DHX35: variants seen among roughly 807,000 people sequenced by gnomAD.
DHX35 encodes probable ATP-dependent RNA helicase DHX35.
In DHX35, 84 loss-of-function variants were observed where a neutral mutation model predicts 99.6. The ratio of observed to expected loss-of-function variants is 0.84; its 90% CI spans 0.71 to 1.01. DHX35 has a LOEUF of 1.01. Among genes scored for constraint, DHX35 ranks in the 50% least tolerant of loss-of-function variants. DHX35 has a pLI of 0.00. For missense variants in DHX35, 852 were observed against 888.5 expected, an observed-to-expected ratio of 0.96 and a Z score of 0.52; for synonymous variants, 331 against 316.2, an observed-to-expected ratio of 1.05 and a Z score of -0.50.
chr20:39,032,928 G>A (rs2087081031), intron 20 of DHX35, among the ~76,000 whole-genome samples: 1 of 152,186 alleles, frequency 6.6e-6, no homozygotes, highest in Admixed American at 6.5e-5. Context: ...CCACACTAAT[G>A]TGGTCAGGAT....
chr20:39,002,589 A>G (rs528933474), intron 9 of DHX35, among the ~76,000 whole-genome samples, 183 bp from the exon 10 acceptor site: 1 of 152,364 alleles, frequency 6.6e-6, no homozygotes, highest in East Asian at 1.9e-4. Flanking sequence ...ACATATAATT[A>G]TGGATTATTC....
intron 3 of DHX35, among the ~76,000 whole-genome samples, chr20:38,975,006 T>A (rs954226456): frequency 6.6e-6 from 1 of 152,226 alleles, no homozygotes; most frequent in African/African-American, 2.4e-5. Context: ...TAAAAATCCC[T>A]TTGCATATTT....
chr20:39,022,265 A>G (rs1416007587), intron 16 of DHX35, among the ~76,000 whole-genome samples: 1 of 152,062 alleles, frequency 6.6e-6, no homozygotes, highest in African/African-American at 2.4e-5. Flanking sequence ...CCCAGGTTCA[A>G]GTGATGCTCC....
intron 5 of DHX35, among the ~76,000 whole-genome samples, chr20:38,991,160 A>G (rs1264777031): frequency 2.0e-5 from 3 of 152,172 alleles, no homozygotes; most frequent in Non-Finnish European, 4.4e-5. Flanking sequence ...CTCTTTATCG[A>G]TAGTACTGGT....
At chr20:39,016,181 C>CAAGAGAGGAAGCCAGGAAGAGA (rs1353298663) in intron 14 of DHX35, among the ~76,000 whole-genome samples, 1 of 152,112 alleles carries the variant, frequency 6.6e-6, no homozygotes, top group Admixed American at 6.6e-5. Flanking sequence ...GATCACATGG[C>CAAGAGAGGAAGCCAGGAAGAGA]AAGAGAGGAA....
rs749056584 is a variant in DHX35, at chr20:39,023,783, G to A, written c.1671+16G>A. 1.2e-6 allele frequency: 2 copies of A among 1,608,838 alleles called. No homozygotes were observed. The highest frequency in any genetic ancestry group is 2.7e-5 in the African/African-American group (2 of 74,820). On this transcript the variant is annotated intron_variant, in intron 17 of 21. Transcript: ENST00000252011. ...ATTTATCAAAGTAAGCACAACTACT[G>A]CTCGAAGTGCCGCCTCAACACACCA... is the stretch of plus-strand genomic sequence containing the variant.
intron 14 of DHX35, among the ~76,000 whole-genome samples, chr20:39,015,832 G>A (rs563826012): frequency 5.5e-4 from 84 of 152,076 alleles, no homozygotes; most frequent in Non-Finnish European, 9.9e-4. Context: ...ACCCATTAGC[G>A]CCGAACTTCT....
chr20:39,038,246 C>T (rs1043199340), intron 21 of DHX35, among the ~76,000 whole-genome samples: 1 of 152,220 alleles, frequency 6.6e-6, no homozygotes, highest in African/African-American at 2.4e-5. Context: ...TGACAGCTTC[C>T]GCAGAGCCCT....
At chr20:39,003,718 G>A in intron 10 of DHX35, 31 bp from the exon 11 acceptor site, 1 of 1,590,776 alleles carries the variant, frequency 6.3e-7, no homozygotes, top group Non-Finnish European at 8.6e-7. Flanking sequence ...ATTGATCTCG[G>A]TTTCTTTGGT....
chr20:39,020,656 C>CTTTTTTTTTTTTTTTT lies in DHX35; in HGVS notation c.1499-1180_1499-1165dup, dbSNP rs57246257. Among the ~76,000 whole-genome samples, 18 of 105,222 alleles carry CTTTTTTTTTTTTTTTT rather than the reference C, an allele frequency of 1.7e-4. 2 individuals are homozygous for CTTTTTTTTTTTTTTTT. Among genetic ancestry groups the CTTTTTTTTTTTTTTTT allele is most frequent in the East Asian group, 3.1e-4 (1 of 3,242 alleles). 69.0% of individuals were successfully genotyped at this position (105,222 alleles called of 152,430 possible). A position where few individuals can be genotyped will look rare whatever the true frequency, so the allele number is the denominator to read the frequency against. On this transcript the variant is annotated intron_variant, in intron 15 of 21. Transcript: ENST00000252011. ...CAGCCTTCCATTTAGAAACAGGATTCTTTTTTTTTTTTTTTTTTTTGAGAC... is the reference window on the plus strand; with the variant it reads ...CAGCCTTCCATTTAGAAACAGGATTCTTTTTTTTTTTTTTTTTTTTTTTTTTTTTTTTTTTTGAGAC...
chr20:39,009,069 C>G (rs1047270115), intron 12 of DHX35, among the ~76,000 whole-genome samples: 4 of 152,232 alleles, frequency 2.6e-5, no homozygotes, highest in East Asian at 3.8e-4. Context: ...ATGCTTCACA[C>G]ACTTGAGTCC....
At chr20:39,004,354 C>T (rs1002912041) in intron 11 of DHX35, among the ~76,000 whole-genome samples, 28 of 152,190 alleles carry the variant, frequency 1.8e-4, no homozygotes, top group African/African-American at 2.7e-4. Context: ...CGTCAGCCAC[C>T]GTGCCCGGCC....
intron 8 of DHX35, among the ~76,000 whole-genome samples, chr20:38,996,537 A>G (rs893657951): frequency 6.6e-6 from 1 of 152,222 alleles, no homozygotes; most frequent in African/African-American, 2.4e-5. Flanking sequence ...TTTGAGCTCT[A>G]TAAAGATCAT....
At chr20:38,988,216 T>C (rs2086278971) in intron 4 of DHX35, among the ~76,000 whole-genome samples, 1 of 152,254 alleles carries the variant, frequency 6.6e-6, no homozygotes, top group African/African-American at 2.4e-5. Flanking sequence ...TTTGATCTTT[T>C]GAAATTTTTT....
intron 14 of DHX35, 115 bp from the exon 15 acceptor site, chr20:39,018,689 T>C: frequency 1.9e-6 from 2 of 1,026,284 alleles, no homozygotes. Context: ...GCATGAATCA[T>C]CTTTTGGATA....
At chr20:38,987,287 T>A (rs772212942) in intron 4 of DHX35, among the ~76,000 whole-genome samples, 6 of 152,206 alleles carry the variant, frequency 3.9e-5, no homozygotes, top group Non-Finnish European at 7.4e-5. Context: ...TCACCGAGGC[T>A]GGAGTGTAGT....
intron 15 of DHX35, among the ~76,000 whole-genome samples, chr20:39,019,645 A>G (rs2086840991): frequency 6.6e-6 from 1 of 152,210 alleles, no homozygotes. Context: ...CTATGTACAC[A>G]TTGTAGATTC....
chr20:39,028,064 T>G (rs1035777259), intron 18 of DHX35, among the ~76,000 whole-genome samples: 1 of 152,242 alleles, frequency 6.6e-6, no homozygotes, highest in Non-Finnish European at 1.5e-5. Context: ...TATGACACTC[T>G]TTTACAAAGG....
chr20:39,015,739 G>T (rs138828615), intron 14 of DHX35, among the ~76,000 whole-genome samples: 1 of 152,010 alleles, frequency 6.6e-6, no homozygotes, highest in South Asian at 2.1e-4. Flanking sequence ...AAATTCAGAG[G>T]CTTTTAGCAT....
Sources: allele counts gnomAD v4.1 joint callset (sites outside exome capture counted in the v4.1 genomes callset), GRCh38; gene constraint gnomAD v4.1.1; transcripts MANE v1.5; gene names NCBI Gene and HGNC (gene_info 2026-07-23, HGNC 2026-07-21).